RBFOX1: variants seen among roughly 807,000 people sequenced by gnomAD.
RBFOX1 encodes RNA binding protein fox-1 homolog 1.
In RBFOX1, 8 loss-of-function variants were observed where a neutral mutation model predicts 57.7. The observed-to-expected ratio is 0.14, with a 90% CI of 0.08 to 0.25. The LOEUF (loss-of-function observed/expected upper bound fraction) is 0.25. Among genes scored for constraint, RBFOX1 ranks in the 10% least tolerant of loss-of-function variants. The probability of loss-of-function intolerance (pLI) is 1.00; values close to 1 mark genes in which losing one functional copy is unlikely to be tolerated. For synonymous variants in RBFOX1, 326 were observed against 222.4 expected (o/e 1.47, Z -4.15); for missense variants, 611 against 548.5 (o/e 1.11, Z -1.14).
chr16:6,382,164 T>C lies in RBFOX1; in HGVS notation c.-64+65107T>C, dbSNP rs549960290. On this transcript the variant is annotated intron_variant, in intron 2 of 15. Coordinates refer to ENST00000550418, the MANE Select transcript of RBFOX1 (RefSeq NM_018723.4). ...CCCATCATTTTCATGTGTTGAAGAA[T>C]AGTATTCTTGTGATCCTTTTTCCCC... Among the ~76,000 whole-genome samples the C allele has an allele frequency of 1.1e-4, 16 of 152,326 alleles. No individual in the cohort carries two copies. In the South Asian group the frequency reaches 2.3e-3, roughly 22 times the overall value.
intron 4 of RBFOX1, among the ~76,000 whole-genome samples, chr16:7,400,844 T>G (rs532625578): frequency 2.6e-5 from 4 of 152,322 alleles, no homozygotes; most frequent in Non-Finnish European, 5.9e-5. Context: ...CGCTTGCCCA[T>G]TAAGTGATAT....
chr16:6,136,467 T>C (rs1236163345), intron 1 of RBFOX1, among the ~76,000 whole-genome samples: 1 of 152,186 alleles, frequency 6.6e-6, no homozygotes, highest in Non-Finnish European at 1.5e-5. Context: ...ATTGCGGTGA[T>C]AAGGGCTTAC....
At chr16:5,549,498 A>G (rs2045370213) in intron 2 of RBFOX1, among the ~76,000 whole-genome samples, 3 of 152,200 alleles carry the variant, frequency 2.0e-5, no homozygotes, top group Admixed American at 2.0e-4. Flanking sequence ...AGCGAGTAAG[A>G]TATTTAGATA....
intron 1 of RBFOX1, among the ~76,000 whole-genome samples, chr16:6,310,811 A>T (rs1265584402): frequency 6.6e-6 from 1 of 151,764 alleles, no homozygotes; most frequent in Non-Finnish European, 1.5e-5. Context: ...GGATTCTAAG[A>T]GTGGGGAACA....
chr16:6,860,723 G>C (rs2058839905), intron 3 of RBFOX1, among the ~76,000 whole-genome samples: 1 of 152,150 alleles, frequency 6.6e-6, no homozygotes, highest in African/African-American at 2.4e-5. Context: ...AAATAAATTA[G>C]ATCTCTGTGT....
At chr16:6,880,675 A>T (rs533392529) in intron 3 of RBFOX1, among the ~76,000 whole-genome samples, 1 of 152,328 alleles carries the variant, frequency 6.6e-6, no homozygotes, top group East Asian at 1.9e-4. Flanking sequence ...ATCTAGATAA[A>T]AAGAGCACTG....
At chr16:7,606,535 A>T (rs1479652118) in intron 9 of RBFOX1, among the ~76,000 whole-genome samples, 2 of 152,214 alleles carry the variant, frequency 1.3e-5, no homozygotes, top group Non-Finnish European at 2.9e-5. Context: ...GCATATATGT[A>T]ATGTGCTTTC....
chr16:7,681,061 G>C (rs1286630787), intron 14 of RBFOX1, among the ~76,000 whole-genome samples: 2 of 152,096 alleles, frequency 1.3e-5, no homozygotes, highest in African/African-American at 4.8e-5. Context: ...CATAACCTAT[G>C]AATAAAAGGT....
intron 2 of RBFOX1, among the ~76,000 whole-genome samples, chr16:6,547,876 C>T (rs1189625959): frequency 6.6e-6 from 1 of 152,034 alleles, no homozygotes; most frequent in African/African-American, 2.4e-5. Context: ...ATTTAATTCA[C>T]AGTGTTTCTC....
upstream of RBFOX1, among the ~76,000 whole-genome samples, chr16:6,018,559 GGT>G (rs1326587255): frequency 2.6e-5 from 4 of 152,148 alleles, no homozygotes; most frequent in African/African-American, 9.6e-5. Flanking sequence ...AGCTGTGCGG[GGT>G]GGGGGCGTCC....
chr16:6,418,834 T>G (rs2093697934), intron 2 of RBFOX1, among the ~76,000 whole-genome samples: 1 of 152,192 alleles, frequency 6.6e-6, no homozygotes. Flanking sequence ...TGGCCCTTCA[T>G]GCAAGTTTGA....
At chr16:7,191,720 A>G (rs1270128517) in intron 4 of RBFOX1, among the ~76,000 whole-genome samples, 2 of 152,248 alleles carry the variant, frequency 1.3e-5, no homozygotes, top group Non-Finnish European at 2.9e-5. Flanking sequence ...TAAAGAAACA[A>G]AAATTTTAAA....
intron 1 of RBFOX1, among the ~76,000 whole-genome samples, chr16:6,194,892 G>A (rs1035144462): frequency 7.2e-5 from 11 of 152,180 alleles, no homozygotes; most frequent in African/African-American, 2.2e-4. Context: ...ATATCTGAGT[G>A]ACTACTAGAA....
intron 1 of RBFOX1, among the ~76,000 whole-genome samples, chr16:6,039,582 G>A (rs1002127603): frequency 5.3e-5 from 8 of 152,082 alleles, no homozygotes; most frequent in Non-Finnish European, 1.0e-4. Flanking sequence ...GCATTTCTTA[G>A]ACTGCCAGCT....
At chr16:7,193,341 C>A (rs1360257171) in intron 4 of RBFOX1, among the ~76,000 whole-genome samples, 1 of 152,146 alleles carries the variant, frequency 6.6e-6, no homozygotes, top group Non-Finnish European at 1.5e-5. Context: ...CAGATTCTTC[C>A]CTAGAACCTC....
At chr16:6,662,093 G>A (rs1295675144) in intron 3 of RBFOX1, among the ~76,000 whole-genome samples, 2 of 148,830 alleles carry the variant, frequency 1.3e-5, no homozygotes, top group Non-Finnish European at 3.0e-5. Flanking sequence ...GAAACTCAAA[G>A]AAGCAGAGAG....
rs140340739 is a variant in RBFOX1 at position 6,647,419 on chromosome 16, A to G, written c.-63-7184A>G. Among the ~76,000 whole-genome samples, 24 of 152,050 alleles carry G rather than the reference A, an allele frequency of 1.6e-4. No individual in the cohort carries two copies. In the East Asian group the frequency reaches 3.3e-3, roughly 21 times the overall value. ...ACCACCATGCCTGGCTAATTTTTCT[A>G]TTATATTGAAATCCAATGGGGTTTC... On this transcript the variant is annotated intron_variant, in intron 2 of 15. Transcript: ENST00000550418.
At chr16:7,277,113 G>C (rs1417309507) in intron 4 of RBFOX1, among the ~76,000 whole-genome samples, 1 of 152,176 alleles carries the variant, frequency 6.6e-6, no homozygotes, top group Non-Finnish European at 1.5e-5. Flanking sequence ...TTGATCCTTT[G>C]ACTATACTGC....
At chr16:5,304,391 C>T (rs74583370) in intron 1 of RBFOX1, among the ~76,000 whole-genome samples, 9,080 of 152,182 alleles carry the variant, frequency 0.06, 894 homozygotes, top group African/African-American at 0.21. Flanking sequence ...GTATATGGGC[C>T]TTGGAAGAGC....
Sources: gnomAD v4.1 joint callset for allele counts (sites outside exome capture counted in the v4.1 genomes callset) on GRCh38, gnomAD v4.1.1 for gene constraint, MANE v1.5 for transcripts, NCBI Gene and HGNC (gene_info 2026-07-23, HGNC 2026-07-21) for gene names.